EFCAB5: variants seen among roughly 807,000 people sequenced by gnomAD.
EFCAB5 encodes EF-hand calcium binding domain 5, also known as EF-hand calcium-binding domain-containing protein 5.
A neutral mutation model predicts 167.9 loss-of-function variants in EFCAB5; 131 were observed. The ratio of observed to expected loss-of-function variants is 0.78; its 90% CI spans 0.68 to 0.90. The LOEUF (loss-of-function observed/expected upper bound fraction) is 0.90, where lower values mean the gene tolerates loss of function less well. Among genes scored for constraint, EFCAB5 ranks in the 40% least tolerant of loss-of-function variants. The probability of loss-of-function intolerance (pLI) is 0.00; values close to 1 mark genes in which losing one functional copy is unlikely to be tolerated. For missense variants in EFCAB5, 1,663 were observed against 1,745.2 expected, an observed-to-expected ratio of 0.95 and a Z score of 0.84; for synonymous variants, 574 against 602.8, an observed-to-expected ratio of 0.95 and a Z score of 0.70.
intron 22 of EFCAB5, among the ~76,000 whole-genome samples, chr17:30,107,070 A>C (rs1247750427): frequency 6.6e-6 from 1 of 152,232 alleles, no homozygotes; most frequent in Non-Finnish European, 1.5e-5. Context: ...TCCATTGGAC[A>C]GAACCCTCAT....
chr17:30,055,961 G>A lies in EFCAB5; in HGVS notation c.2268G>A (p.Trp756Ter). The change falls in exon 11 of 23, where the codon TGG becomes TGA. Residue 756 changes from tryptophan (W) to a stop codon, truncating the protein, a stop_gained. Transcript: ENST00000394835. LOFTEE classifies it high-confidence loss of function. The part of the protein sequence containing the change: ...PKSQKIEGKS[W>*]SGEFFTCNWK... The stretch of plus-strand genomic sequence containing the variant: ...CCCAAAAAATAGAAGGAAAGTCATG[G>A]TCAGGTAACTCCTCATTTAATCCTC... The A allele has an allele frequency of 3.7e-6, 6 of 1,613,720 alleles. No individual in the cohort carries two copies. Among genetic ancestry groups the A allele is most frequent in the African/African-American group, 1.3e-5 (1 of 75,022 alleles).
At chr17:30,007,090 A>G (rs1049698439) in intron 7 of EFCAB5, among the ~76,000 whole-genome samples, 11 of 152,360 alleles carry the variant, frequency 7.2e-5, no homozygotes, top group African/African-American at 2.6e-4. Flanking sequence ...AATCAAAACC[A>G]GAAGAATGGA....
In EFCAB5 at chr17:30,080,954, T is replaced by A. The variant is rs377127461; in HGVS notation, c.3399T>A (p.Phe1133Leu). ...TLRDPHEINI[F>L]LPHEIRFYQG... is the part of the protein sequence containing the mutation. ...GAGATCCCCACGAAATAAACATCTT[T>A]CTACCTCATGAGATCAGATTCTATC... The change falls in exon 17 of 23, where the codon TTT (phenylalanine) becomes TTA (leucine). Residue 1133 changes from phenylalanine to leucine, a missense_variant. Physicochemically the swap from Phe to Leu is conservative, Grantham distance 22. Transcript: ENST00000394835. The A allele has an allele frequency of 4.8e-5, 78 of 1,613,018 alleles. No homozygotes were observed. In the African/African-American group the frequency reaches 7.7e-4, roughly 16 times the overall value.
At chr17:30,105,246 A>G (rs1324991692) in intron 22 of EFCAB5, among the ~76,000 whole-genome samples, 2 of 152,166 alleles carry the variant, frequency 1.3e-5, no homozygotes, top group Non-Finnish European at 2.9e-5. Flanking sequence ...CTGTAATCCC[A>G]GCACCTTGGG....
chr17:30,055,040 G>A (rs1019618384), intron 10 of EFCAB5, among the ~76,000 whole-genome samples: 1 of 152,160 alleles, frequency 6.6e-6, no homozygotes, highest in African/African-American at 2.4e-5. Flanking sequence ...GCTCATGCCT[G>A]TAATCCCAGC....
intron 7 of EFCAB5, among the ~76,000 whole-genome samples, chr17:30,006,698 G>A (rs1389550648): frequency 1.3e-5 from 2 of 152,104 alleles, no homozygotes; most frequent in Admixed American, 1.3e-4. Context: ...CACCCAGGCT[G>A]GGGTGCATTG....
At chr17:29,962,238 T>C (rs537927782) in intron 3 of EFCAB5, among the ~76,000 whole-genome samples, 9 of 152,358 alleles carry the variant, frequency 5.9e-5, no homozygotes, top group African/African-American at 2.2e-4. Context: ...ACTATTGGAA[T>C]TTTGATTGCA....
At position 30,013,720 on chromosome 17, in the gene EFCAB5, T is replaced by A. The variant is rs550054031; in HGVS notation, c.1044+13744T>A. 3.9e-5 allele frequency among the ~76,000 whole-genome samples: 6 copies of A among 152,340 alleles called. No individual in the cohort carries two copies. In the South Asian group the frequency reaches 1.2e-3, roughly 32 times the overall value. On this transcript the variant is annotated intron_variant, in intron 7 of 22. Transcript: ENST00000394835. ...TCTTCTTTATTAGTCTTGCTAGCGG[T>A]CTATCAATTTTGTTGATCTTTTCAA...
At chr17:29,958,994 A>G (rs2151554224) in intron 3 of EFCAB5, among the ~76,000 whole-genome samples, 1 of 152,228 alleles carries the variant, frequency 6.6e-6, no homozygotes, top group East Asian at 1.9e-4. Context: ...CCCCCTGCCA[A>G]AATGGAGTCT....
chr17:29,989,893 C>A (rs970307698), intron 4 of EFCAB5, among the ~76,000 whole-genome samples: 1 of 152,158 alleles, frequency 6.6e-6, no homozygotes, highest in African/African-American at 2.4e-5. Context: ...TAAACCTTGG[C>A]GGGAACTTTG....
intron 8 of EFCAB5, among the ~76,000 whole-genome samples, chr17:30,045,682 G>T (rs1029556792): frequency 6.6e-6 from 1 of 151,818 alleles, no homozygotes; most frequent in Non-Finnish European, 1.5e-5. Context: ...GGGCAATGTA[G>T]TGAGACCCCC....
intron 4 of EFCAB5, among the ~76,000 whole-genome samples, chr17:29,971,980 C>A (rs2151585507): frequency 6.6e-6 from 1 of 151,980 alleles, no homozygotes; most frequent in South Asian, 2.1e-4. Context: ...GTTAGATGCT[C>A]AAATTGCACC....
At chr17:30,072,864 A>G (rs1234108196) in intron 14 of EFCAB5, among the ~76,000 whole-genome samples, 4 of 152,112 alleles carry the variant, frequency 2.6e-5, no homozygotes, top group African/African-American at 9.7e-5. Context: ...CATATAAACC[A>G]TTCTTCCTTT....
chr17:29,989,369 A>G (rs377131435), intron 4 of EFCAB5, among the ~76,000 whole-genome samples: 1 of 152,352 alleles, frequency 6.6e-6, no homozygotes, highest in Non-Finnish European at 1.5e-5. Flanking sequence ...AGTAGGTTCA[A>G]TTGCTTGACC....
chr17:29,979,856 T>C (rs75939916), intron 4 of EFCAB5, among the ~76,000 whole-genome samples: 9,052 of 152,146 alleles, frequency 0.059, 508 homozygotes, highest in African/African-American at 0.15. Flanking sequence ...CAATAAATGT[T>C]AGATGAATTA....
At chr17:29,931,054 A>G (rs531990660) in intron 1 of EFCAB5, among the ~76,000 whole-genome samples, 3 of 152,362 alleles carry the variant, frequency 2.0e-5, no homozygotes, top group African/African-American at 7.2e-5. Flanking sequence ...TGGTTTTCTC[A>G]GGGGTAAATT....
rs2070176584 is a variant in EFCAB5, at chr17:30,053,853, T to C, written c.1899T>C (p.Ala633=). The C allele has an allele frequency of 3.1e-6, 5 of 1,613,976 alleles. No homozygotes were observed. The East Asian group carries it at 1.1e-4, about 36-fold the overall frequency. ...VAEQGSRRMS[A]AEQGSLRESV... The stretch of plus-strand genomic sequence containing the variant: ...AACAAGGATCACGCAGAATGTCAGC[T>C]GCAGAACAGGGATCACTCAGAGAGT... Residue 633 remains alanine (A), a synonymous_variant, in exon 10 of 23, where the codon GCT becomes GCC. Transcript: ENST00000394835.
chr17:29,940,809 G>A (rs2067287778), upstream of EFCAB5, among the ~76,000 whole-genome samples: 1 of 152,122 alleles, frequency 6.6e-6, no homozygotes, highest in Non-Finnish European at 1.5e-5. Context: ...GGAGGCTGAG[G>A]AGGGTGGATC....
At chr17:29,981,415 T>C (rs1450039816) in intron 4 of EFCAB5, among the ~76,000 whole-genome samples, 1 of 152,208 alleles carries the variant, frequency 6.6e-6, no homozygotes, top group East Asian at 1.9e-4. Flanking sequence ...TCCTCTTTAC[T>C]TAATCCTACC....
Sources: allele counts gnomAD v4.1 joint callset (sites outside exome capture counted in the v4.1 genomes callset), GRCh38; gene constraint gnomAD v4.1.1; transcripts MANE v1.5; gene names NCBI Gene and HGNC (gene_info 2026-07-23, HGNC 2026-07-21).